Variants in UTS2 observed in about 807,000 individuals in gnomAD.
The protein encoded by UTS2 is urotensin 2, also known as urotensin-2.
In UTS2, 10 loss-of-function variants were observed where a neutral mutation model predicts 12.6. The observed-to-expected ratio is 0.80, with a 90% confidence interval of 0.49 to 1.35. UTS2 has a LOEUF of 1.35. Ranked by LOEUF, UTS2 falls within the 40% of genes most tolerant of loss-of-function variation. UTS2 has a pLI of 0.00. For missense variants in UTS2, 142 were observed against 143.2 expected, an observed-to-expected ratio of 0.99 and a Z score of 0.04; for synonymous variants, 52 against 50.0, an observed-to-expected ratio of 1.04 and a Z score of -0.17.
chr1:7,878,843 G>A, the UTS2 span, among the ~76,000 whole-genome samples: 1 of 152,172 alleles, frequency 6.6e-6, no homozygotes, highest in Non-Finnish European at 1.5e-5. Context: ...CCTGCAAATG[G>A]AAACCGAAAG....
At chr1:7,869,330 C>T in the UTS2 span, among the ~76,000 whole-genome samples, 2 of 152,204 alleles carry the variant, frequency 1.3e-5, no homozygotes, top group African/African-American at 2.4e-5. Flanking sequence ...GGGCAGCCCC[C>T]GGCGGCTGGG....
chr1:7,887,691 A>G, the UTS2 span, among the ~76,000 whole-genome samples: 1 of 151,122 alleles, frequency 6.6e-6, no homozygotes, highest in African/African-American at 2.4e-5. Context: ...GCTTGAGTCC[A>G]AGAGGAGGCG....
chr1:7,881,267 A>G, the UTS2 span, among the ~76,000 whole-genome samples: 1 of 152,218 alleles, frequency 6.6e-6, no homozygotes, highest in Non-Finnish European at 1.5e-5. Flanking sequence ...CTGATTCAAC[A>G]TATTACTGGA....
the UTS2 span, among the ~76,000 whole-genome samples, chr1:7,908,657 G>A: frequency 6.6e-6 from 1 of 151,786 alleles, no homozygotes; most frequent in African/African-American, 2.4e-5. Flanking sequence ...TATGTAAATT[G>A]GCATATATAT....
chr1:7,872,342 G>GA, the UTS2 span, among the ~76,000 whole-genome samples: 3,449 of 112,680 alleles, frequency 0.031, 178 homozygotes, highest in East Asian at 0.29. Context: ...AAAAGAAAAA[G>GA]AAAAAAAAGA....
chr1:7,857,006 A>G (rs1473794101), upstream of UTS2, among the ~76,000 whole-genome samples: 2 of 151,974 alleles, frequency 1.3e-5, no homozygotes, highest in African/African-American at 4.8e-5. Context: ...GGTTGCAGTG[A>G]GCCGAGATCG....
chr1:7,863,104 T>C, the UTS2 span, among the ~76,000 whole-genome samples: 2 of 135,160 alleles, frequency 1.5e-5, no homozygotes, highest in South Asian at 2.3e-4. Flanking sequence ...TATTGTATTG[T>C]ATTGTATTGT....
the UTS2 span, among the ~76,000 whole-genome samples, chr1:7,909,264 T>G: frequency 6.6e-6 from 1 of 152,038 alleles, no homozygotes; most frequent in Non-Finnish European, 1.5e-5. Context: ...TAAAAAATAT[T>G]TTTTAGTACT....
chr1:7,850,674 G>T (rs2097413014), intron 2 of UTS2, 138 bp downstream of exon 2: 4 of 804,280 alleles, frequency 5.0e-6, no homozygotes, highest in Middle Eastern at 3.8e-4. Flanking sequence ...GCCGGGAGGG[G>T]AGAGTGTTGG....
chr1:7,868,209 C>T, the UTS2 span, among the ~76,000 whole-genome samples: 1 of 152,274 alleles, frequency 6.6e-6, no homozygotes, highest in East Asian at 1.9e-4. Context: ...TTAGCCTTCT[C>T]CTAATGCATG....
At chr1:7,898,537 G>A in the UTS2 span, among the ~76,000 whole-genome samples, 336 of 151,874 alleles carry the variant, frequency 2.2e-3, no homozygotes, top group African/African-American at 7.9e-3. Flanking sequence ...GTGCAGTGGC[G>A]CGATCTCGGC....
chr1:7,898,412 CAG>C, the UTS2 span, among the ~76,000 whole-genome samples: 1 of 151,874 alleles, frequency 6.6e-6, no homozygotes, highest in Non-Finnish European at 1.5e-5. Flanking sequence ...TCAAGATGGA[CAG>C]AGAGAGAAGG....
chr1:7,859,956 A>G, the UTS2 span, among the ~76,000 whole-genome samples: 2 of 152,004 alleles, frequency 1.3e-5, no homozygotes, highest in African/African-American at 4.8e-5. Context: ...CCAAGATTGC[A>G]CCACTGCACT....
At chr1:7,902,493 A>C in the UTS2 span, among the ~76,000 whole-genome samples, 2 of 151,876 alleles carry the variant, frequency 1.3e-5, no homozygotes, top group Non-Finnish European at 2.9e-5. Context: ...CTCCCCATAC[A>C]TTTTCTTTCT....
At chr1:7,850,743 A>C in intron 2 of UTS2, 69 bp downstream of exon 2, 1 of 1,472,586 alleles carries the variant, frequency 6.8e-7, no homozygotes, top group Non-Finnish European at 9.5e-7. Context: ...TACCTCTTCT[A>C]GATGAGGACA....
chr1:7,863,877 C>T, the UTS2 span, among the ~76,000 whole-genome samples: 1 of 152,224 alleles, frequency 6.6e-6, no homozygotes, highest in African/African-American at 2.4e-5. Context: ...CATGTGGCCC[C>T]AGTTGTCTAA....
At chr1:7,847,920 AC>A in intron 3 of UTS2, 38 bp from the exon 4 acceptor site, 3 of 1,441,744 alleles carry the variant, frequency 2.1e-6, no homozygotes, top group Non-Finnish European at 2.9e-6. Flanking sequence ...ACAAAAAAAA[AC>A]AGATAAGTTA....
At chr1:7,853,068 C>T, upstream of UTS2, 2 of 1,563,234 alleles carry the variant, frequency 1.3e-6, no homozygotes, top group Non-Finnish European at 1.7e-6. Context: ...ACTGTCTCCT[C>T]ATTCTGCCTG....
chr1:7,883,968 C>A, the UTS2 span, among the ~76,000 whole-genome samples: 1 of 152,074 alleles, frequency 6.6e-6, no homozygotes, highest in Non-Finnish European at 1.5e-5. Context: ...GCATGTGCCA[C>A]CACGCCCAGC....
Sources: allele counts gnomAD v4.1 joint callset (sites outside exome capture counted in the v4.1 genomes callset), GRCh38; gene constraint gnomAD v4.1.1; transcripts MANE v1.5; gene names NCBI Gene and HGNC (gene_info 2026-07-23, HGNC 2026-07-21).